Variants in RGS18 observed in about 807,000 individuals in gnomAD.
RGS18 encodes the protein regulator of G protein signaling 18.
RGS18 carries 22 observed loss-of-function variants against 27.6 expected under a neutral mutation model. That is an observed-to-expected ratio of 0.80 (90% confidence interval 0.57 to 1.14). The LOEUF is 1.14. Ranked by LOEUF, RGS18 falls within the 50% of genes most tolerant of loss-of-function variation. The pLI is 0.00. For missense variants in RGS18, 299 were observed against 269.6 expected (o/e 1.11, Z -0.76); for synonymous variants, 89 against 84.6 (o/e 1.05, Z -0.29).
chr1:192,159,470 T>G, intron 2 of RGS18, 149 bp downstream of exon 2: 1 of 621,244 alleles, frequency 1.6e-6, no homozygotes, highest in Non-Finnish European at 2.9e-6. Flanking sequence ...ACTAGAAATA[T>G]TTCATAAAAT....
intron 3 of RGS18, among the ~76,000 whole-genome samples, chr1:192,161,662 G>GCT (rs1656075689): frequency 6.6e-6 from 1 of 151,654 alleles, no homozygotes; most frequent in African/African-American, 2.4e-5. Flanking sequence ...GCTCTTCCCA[G>GCT]ACCCTTCCAA....
chr1:192,166,874 TATAGAA>T (rs1191591890), intron 3 of RGS18, among the ~76,000 whole-genome samples: 2 of 152,188 alleles, frequency 1.3e-5, no homozygotes, highest in African/African-American at 4.8e-5. Context: ...AAGGCTGACT[TATAGAA>T]AGAGATTTTC....
At chr1:192,169,755 T>G (rs1656223920) in intron 3 of RGS18, 2 of 133,534 alleles carry the variant, frequency 1.5e-5, no homozygotes, top group Non-Finnish European at 3.5e-5. Flanking sequence ...ATCCACTTTA[T>G]AGCAACTATT....
intron 3 of RGS18, chr1:192,161,501 T>G (rs995161335): frequency 6.6e-6 from 1 of 152,160 alleles, no homozygotes; most frequent in African/African-American, 2.4e-5. Context: ...ATCACAGATT[T>G]ATTATTCTCC....
chr1:192,161,909 G>A (rs1656079306), intron 3 of RGS18, among the ~76,000 whole-genome samples: 1 of 151,954 alleles, frequency 6.6e-6, no homozygotes, highest in Non-Finnish European at 1.5e-5. Context: ...ATAAGGTCTT[G>A]GTGACCTTTT....
At chr1:192,159,695 A>G (rs1189335616) in intron 2 of RGS18, among the ~76,000 whole-genome samples, 1 of 152,220 alleles carries the variant, frequency 6.6e-6, no homozygotes, top group Non-Finnish European at 1.5e-5. Context: ...CACACGCATT[A>G]TAGCAAGTAA....
chr1:192,162,227 T>C lies in RGS18; in HGVS notation c.283+1788T>C, dbSNP rs554052153. Among the ~76,000 whole-genome samples, 15 of 152,342 alleles carry C rather than the reference T, an allele frequency of 9.8e-5. No homozygotes were observed. The South Asian group carries it at 3.1e-3, about 32-fold the overall frequency. On this transcript the variant is annotated intron_variant, in intron 3 of 4. Coordinates refer to ENST00000367460, the MANE Select transcript of RGS18 (RefSeq NM_130782.3). ...AACTACTGTACTCACTTTTCTTCAT[T>C]TCCAGTATACGACAATTCATTTTTT...
chr1:192,159,222 C>A lies in RGS18; in HGVS notation c.122C>A (p.Ala41Asp). The change falls in exon 2 of 5, where the codon GCT (alanine) becomes GAT (aspartate). Residue 41 changes from alanine (A) to aspartate (D), a missense_variant and splice_region_variant. By Grantham distance (126) the Ala-to-Asp change is moderately radical. Transcript: ENST00000367460. ...ACATGAAGGCCTTTTTATTACAGAG[C>A]TAAGGAAAAAAGAAATAGACTAAGT... ...EETSKEAKIR[A>D]KEKRNRLSLL... The A allele has an allele frequency of 1.9e-6, 3 of 1,608,172 alleles. No individual in the cohort carries two copies. The highest frequency in any genetic ancestry group is 2.6e-6 in the Non-Finnish European group (3 of 1,174,992).
At chr1:192,176,530 G>A (rs1656361425) in intron 3 of RGS18, among the ~76,000 whole-genome samples, 1 of 151,598 alleles carries the variant, frequency 6.6e-6, no homozygotes, top group Non-Finnish European at 1.5e-5. Context: ...ATAGTTATTT[G>A]TGGTAGGAGG....
At chr1:192,159,407 T>C in intron 2 of RGS18, 86 bp downstream of exon 2, 2 of 833,746 alleles carry the variant, frequency 2.4e-6, no homozygotes, top group Non-Finnish European at 4.0e-6. Context: ...GATTTCTGAT[T>C]TATTGAAAAT....
chr1:192,180,492 C>A (rs547438459), intron 3 of RGS18, among the ~76,000 whole-genome samples: 3 of 151,552 alleles, frequency 2.0e-5, no homozygotes, highest in Non-Finnish European at 4.4e-5. Context: ...TGGGGCAAGA[C>A]AAAAAGTGAA....
chr1:192,162,074 T>C (rs937879708), intron 3 of RGS18, among the ~76,000 whole-genome samples: 5 of 152,310 alleles, frequency 3.3e-5, no homozygotes, highest in African/African-American at 9.6e-5. Flanking sequence ...ATGTAATCAA[T>C]GAGAATGGAG....
chr1:192,169,691 G>T (rs548098634), intron 3 of RGS18: 3 of 152,066 alleles, frequency 2.0e-5, no homozygotes, highest in African/African-American at 7.2e-5. Context: ...CAATTATTTT[G>T]TTGTCCTGCT....
intron 3 of RGS18, chr1:192,167,896 A>G (rs1656189282): frequency 6.6e-6 from 1 of 152,234 alleles, no homozygotes; most frequent in Non-Finnish European, 1.5e-5. Flanking sequence ...TTCGGATATT[A>G]TATGGTACTT....
At chr1:192,179,854 A>G (rs555218593) in intron 3 of RGS18, among the ~76,000 whole-genome samples, 1 of 151,694 alleles carries the variant, frequency 6.6e-6, no homozygotes, top group South Asian at 2.1e-4. Flanking sequence ...AACATGTGTT[A>G]CACTTGTAAC....
At chr1:192,168,566 A>G (rs1469667373) in intron 3 of RGS18, 1 of 152,224 alleles carries the variant, frequency 6.6e-6, no homozygotes. Context: ...ATGCTTGTGA[A>G]TTAGTGAAGG....
intron 3 of RGS18, chr1:192,163,708 C>A (rs1656111482): frequency 6.6e-6 from 1 of 151,770 alleles, no homozygotes; most frequent in Non-Finnish European, 1.5e-5. Flanking sequence ...TACTCAATCT[C>A]CCCTAATCCA....
At chr1:192,178,378 A>G (rs1557938427) in intron 3 of RGS18, among the ~76,000 whole-genome samples, 1 of 151,666 alleles carries the variant, frequency 6.6e-6, no homozygotes, top group Non-Finnish European at 1.5e-5. Context: ...TCTAAGAATC[A>G]TCTGCATATT....
At chr1:192,165,188 G>A (rs796930035) in intron 3 of RGS18, among the ~76,000 whole-genome samples, 5 of 152,222 alleles carry the variant, frequency 3.3e-5, no homozygotes, top group African/African-American at 1.2e-4. Flanking sequence ...TTGTAGGTAG[G>A]GATGAAACAT....
Sources: allele counts gnomAD v4.1 joint callset (sites outside exome capture counted in the v4.1 genomes callset), GRCh38; gene constraint gnomAD v4.1.1; transcripts MANE v1.5; gene names NCBI Gene and HGNC (gene_info 2026-07-23, HGNC 2026-07-21).